The following CPNE4 variants were observed in gnomAD, a reference collection of about 807,000 sequenced individuals.
CPNE4 encodes copine 4.
Under a neutral mutation model 67.9 loss-of-function variants are expected in CPNE4, and 25 were observed. That is an observed-to-expected ratio of 0.37 (90% CI 0.27 to 0.51). The LOEUF (loss-of-function observed/expected upper bound fraction) is 0.51. Among genes scored for constraint, CPNE4 ranks in the 20% least tolerant of loss-of-function variants. The probability of loss-of-function intolerance (pLI) is 0.93; values close to 1 mark genes in which losing one functional copy is unlikely to be tolerated. For synonymous variants in CPNE4, 242 were observed against 244.9 expected (o/e 0.99, Z 0.11); for missense variants, 464 against 690.8 (o/e 0.67, Z 3.68).
intron 3 of CPNE4, among the ~76,000 whole-genome samples, chr3:131,720,285 T>G (rs1021561976): frequency 4.4e-4 from 8 of 18,246 alleles, no homozygotes; most frequent in African/African-American, 6.5e-4. Context: ...CAGGAATGGG[T>G]TTTTTTTTTT....
At chr3:131,679,907 T>C (rs1406727602) in intron 6 of CPNE4, among the ~76,000 whole-genome samples, 1 of 152,130 alleles carries the variant, frequency 6.6e-6, no homozygotes, top group Non-Finnish European at 1.5e-5. Context: ...TATTCTATTG[T>C]TTTGCATGGA....
At chr3:131,880,391 G>A (rs983544050) in intron 2 of CPNE4, among the ~76,000 whole-genome samples, 8 of 152,164 alleles carry the variant, frequency 5.3e-5, no homozygotes, top group Non-Finnish European at 1.0e-4. Flanking sequence ...TGGGATTACA[G>A]GCGTGAGCCA....
chr3:131,983,090 T>C (rs1446928336), intron 1 of CPNE4, among the ~76,000 whole-genome samples: 1 of 152,148 alleles, frequency 6.6e-6, no homozygotes, highest in Non-Finnish European at 1.5e-5. Flanking sequence ...AGAACACTAA[T>C]ACTGAATGAT....
At chr3:131,864,920 T>C (rs559208815) in intron 2 of CPNE4, among the ~76,000 whole-genome samples, 446 of 152,086 alleles carry the variant, frequency 2.9e-3, no homozygotes, top group African/African-American at 0.01. Context: ...GCACGAAGGG[T>C]TGTTGAATTT....
intron 1 of CPNE4, among the ~76,000 whole-genome samples, chr3:131,922,671 T>A (rs138992956): frequency 6.6e-6 from 1 of 152,356 alleles, no homozygotes; most frequent in African/African-American, 2.4e-5. Flanking sequence ...CATTAATTTG[T>A]TAAACATTCT....
intron 1 of CPNE4, among the ~76,000 whole-genome samples, chr3:131,995,809 G>C (rs570456892): frequency 2.0e-5 from 3 of 152,222 alleles, no homozygotes; most frequent in South Asian, 2.1e-4. Context: ...GTCCCTAAGA[G>C]AATCTCTATT....
rs145954661 is a variant in CPNE4 at position 131,571,634 on chromosome 3, C to G, written c.927+3437G>C. ...CAGTACCTCTCCTGCTGCTGCCACCCTTGTTTAGCTTCTTTTTACCTGGTA... is the reference window on the plus strand; with the variant it reads ...CAGTACCTCTCCTGCTGCTGCCACCGTTGTTTAGCTTCTTTTTACCTGGTA... On this transcript the variant is annotated intron_variant, in intron 10 of 15. Coordinates refer to ENST00000429747, the MANE Select transcript of CPNE4 (RefSeq NM_130808.3). Among the ~76,000 whole-genome samples, 1,077 of 152,146 alleles carry G rather than the reference C, an allele frequency of 7.1e-3. 5 individuals are homozygous for G. Among genetic ancestry groups the G allele is most frequent in the Non-Finnish European group, 0.012 (811 of 67,970 alleles).
intron 2 of CPNE4, among the ~76,000 whole-genome samples, chr3:131,878,919 C>T (rs757522491): frequency 3.2e-4 from 48 of 152,254 alleles, no homozygotes; most frequent in Non-Finnish European, 6.5e-4. Context: ...ACAAAGGTCT[C>T]ACCCTCATGA....
At chr3:131,665,050 C>T (rs1459182195) in intron 7 of CPNE4, among the ~76,000 whole-genome samples, 1 of 152,004 alleles carries the variant, frequency 6.6e-6, no homozygotes, top group Non-Finnish European at 1.5e-5. Context: ...GTGTCTGATA[C>T]CTTTAGAGTT....
chr3:131,882,158 AC>A, intron 2 of CPNE4, among the ~76,000 whole-genome samples: 1 of 152,146 alleles, frequency 6.6e-6, no homozygotes, highest in South Asian at 2.1e-4. Flanking sequence ...ACACACACAC[AC>A]ACAACCTACA....
At chr3:131,798,862 A>G (rs2083993833) in intron 2 of CPNE4, among the ~76,000 whole-genome samples, 2 of 152,164 alleles carry the variant, frequency 1.3e-5, no homozygotes, top group South Asian at 4.1e-4. Context: ...AAATTTCACC[A>G]AGAAAAGTGA....
intron 2 of CPNE4, among the ~76,000 whole-genome samples, chr3:131,787,429 C>T (rs1044148777): frequency 6.6e-6 from 1 of 152,162 alleles, no homozygotes; most frequent in Non-Finnish European, 1.5e-5. Context: ...GTCAGAATTG[C>T]TCTGTGTTAG....
At chr3:131,618,725 C>A (rs1348928320) in intron 7 of CPNE4, among the ~76,000 whole-genome samples, 1 of 152,272 alleles carries the variant, frequency 6.6e-6, no homozygotes, top group East Asian at 1.9e-4. Context: ...CAATGCCTGG[C>A]ATATCAATCA....
chr3:131,969,637 A>G (rs754799006), intron 1 of CPNE4, among the ~76,000 whole-genome samples: 23 of 152,078 alleles, frequency 1.5e-4, no homozygotes, highest in Non-Finnish European at 3.1e-4. Flanking sequence ...TAACTTACCA[A>G]CCATCTTGGT....
chr3:131,614,036 G>A (rs1237415652), intron 7 of CPNE4, among the ~76,000 whole-genome samples: 1 of 152,174 alleles, frequency 6.6e-6, no homozygotes, highest in East Asian at 1.9e-4. Context: ...GCCCCGCATA[G>A]AGAAACATGA....
chr3:131,659,576 A>G (rs1336697559), intron 7 of CPNE4, among the ~76,000 whole-genome samples: 3 of 152,212 alleles, frequency 2.0e-5, no homozygotes, highest in Non-Finnish European at 4.4e-5. Flanking sequence ...TAGACTTGCA[A>G]AGTGTTTTCC....
At position 131,565,818 on chromosome 3, in the gene CPNE4, T is replaced by TAA. The variant is rs66674789; in HGVS notation, c.928-1471_928-1470dup. ...GATAAATGCTAGTACTAAGAGTATG[T>TAA]AAAAAAAAAAAAAAAAAGGTTATCT... On this transcript the variant is annotated intron_variant, in intron 10 of 15. Transcript: ENST00000429747. Among the ~76,000 whole-genome samples, 919 of 129,808 alleles carry TAA rather than the reference T, an allele frequency of 7.1e-3. 10 individuals carry two copies. The highest frequency in any genetic ancestry group is 0.019 in the African/African-American group (709 of 36,956). 85.2% of individuals were successfully genotyped at this position (129,808 alleles called of 152,430 possible).
At chr3:131,852,493 A>C (rs183250489) in intron 2 of CPNE4, among the ~76,000 whole-genome samples, 36 of 152,148 alleles carry the variant, frequency 2.4e-4, no homozygotes, top group Non-Finnish European at 4.9e-4. Context: ...AACCTCTCAG[A>C]ATATTGGAAA....
intron 2 of CPNE4, among the ~76,000 whole-genome samples, chr3:131,843,740 T>A (rs972988220): frequency 6.6e-6 from 1 of 152,184 alleles, no homozygotes; most frequent in Non-Finnish European, 1.5e-5. Context: ...CCTATGAGGA[T>A]GAAATGATAC....
Sources: gnomAD v4.1 joint callset for allele counts (sites outside exome capture counted in the v4.1 genomes callset) on GRCh38, gnomAD v4.1.1 for gene constraint, MANE v1.5 for transcripts, NCBI Gene and HGNC (gene_info 2026-07-23, HGNC 2026-07-21) for gene names.